Variants in CFAP99 observed in about 807,000 individuals in gnomAD.
CFAP99 encodes the protein cilia and flagella associated protein 99, also known as cilia- and flagella-associated protein 99.
CFAP99 carries 84 observed loss-of-function variants against 82.7 expected under a neutral mutation model. The observed-to-expected ratio is 1.02, with a 90% CI of 0.85 to 1.22. The LOEUF (loss-of-function observed/expected upper bound fraction) is 1.22, where lower values mean the gene tolerates loss of function less well. Ranked by LOEUF, CFAP99 falls within the 50% of genes most tolerant of loss-of-function variation. The pLI, the probability that CFAP99 is intolerant of heterozygous loss-of-function variation, is 0.00. For synonymous variants in CFAP99, 456 were observed against 429.5 expected (o/e 1.06, Z -0.76); for missense variants, 1,059 against 983.5 (o/e 1.08, Z -1.03).
At chr4:2,454,602 T>G (rs1461453752) in intron 11 of CFAP99, among the ~76,000 whole-genome samples, 2 of 150,408 alleles carry the variant, frequency 1.3e-5, no homozygotes, top group East Asian at 1.9e-4. Context: ...TTGTTTTTTT[T>G]TTTTTTTGGT....
At chr4:2,437,244 C>T (rs570876000) in intron 3 of CFAP99, among the ~76,000 whole-genome samples, 1 of 152,200 alleles carries the variant, frequency 6.6e-6, no homozygotes, top group African/African-American at 2.4e-5. Flanking sequence ...GGCTCTGCCA[C>T]CCCAGTTTAG....
intron 2 of CFAP99, among the ~76,000 whole-genome samples, chr4:2,429,995 G>A (rs147526169): frequency 2.3e-3 from 348 of 152,368 alleles, no homozygotes; most frequent in African/African-American, 8.0e-3. Context: ...TCAAGAAATT[G>A]TTGCAATTCA....
rs1734663382 is a variant in CFAP99, at chr4:2,462,853, G to A, written c.2072G>A (p.Arg691His). ...CACTGGCTGGAGCTGGAGCGGAGCC[G>A]CGAGCGCAGGCTGCAGGCGCTGCAG... Residue 691 changes from arginine (R) to histidine (H), a missense_variant, in exon 15 of 15, where the codon CGC becomes CAC. Coordinates refer to ENST00000635017, the Ensembl canonical transcript of CFAP99. This position sits in a 1 kb window ranked among gnomAD's most constrained non-coding sequence, Gnocchi z 4.1. 5 of 1,392,318 alleles carry A rather than the reference G, an allele frequency of 3.6e-6. No individual in the cohort carries two copies. Among genetic ancestry groups the A allele is most frequent in the African/African-American group, 1.5e-5 (1 of 66,452 alleles). The allele number at this position is 1,392,318 out of a possible 1,614,324, so 86.2% of individuals were successfully genotyped here. A position where few individuals can be genotyped will look rare whatever the true frequency, so the allele number is the denominator to read the frequency against.
chr4:2,451,162 C>T, intron 9 of CFAP99, 102 bp from the exon 10 acceptor site: 4 of 1,465,186 alleles, frequency 2.7e-6, no homozygotes, highest in South Asian at 1.2e-5. Flanking sequence ...AGGGAAGCAC[C>T]TGGGCAGGGG....
chr4:2,452,019 C>A, intron 10 of CFAP99, 123 bp from the exon 11 acceptor site: 1 of 953,250 alleles, frequency 1.0e-6, no homozygotes, highest in Non-Finnish European at 1.6e-6. Context: ...GGCCACGCAG[C>A]TGGGTGTCAG....
intron 1 of CFAP99, among the ~76,000 whole-genome samples, chr4:2,424,094 C>T (rs1486355633): frequency 1.3e-5 from 2 of 152,232 alleles, no homozygotes; most frequent in African/African-American, 4.8e-5. Flanking sequence ...CCTCTGTGTC[C>T]ATGCACAGCC....
In CFAP99 at chr4:2,459,126, G is replaced by A. The variant is rs573884631; in HGVS notation, c.1323G>A (p.Glu441=). The change falls in exon 13 of 15, where the codon GAG becomes GAA. Residue 441 remains glutamate (E), a synonymous_variant. Coordinates refer to ENST00000635017, the Ensembl canonical transcript of CFAP99. ...CCCAAGTTCAGGAGGCGATCGAGGA[G>A]AGCAGGGGGCTGCTGCAGCGCAGGG... The A allele has an allele frequency of 5.2e-5, 80 of 1,530,080 alleles. No individual in the cohort carries two copies. In the African/African-American group the frequency reaches 9.6e-4, roughly 18 times the overall value. 94.8% of individuals were successfully genotyped at this position (1,530,080 alleles called of 1,614,324 possible).
intron 8 of CFAP99, 71 bp downstream of exon 8, chr4:2,450,076 A>C: frequency 1.4e-6 from 2 of 1,432,522 alleles, no homozygotes; most frequent in Non-Finnish European, 1.9e-6. Context: ...GTTCCTCCCA[A>C]CGCCATCGCA....
intron 2 of CFAP99, among the ~76,000 whole-genome samples, chr4:2,429,532 C>A (rs916280942): frequency 1.3e-5 from 2 of 152,092 alleles, no homozygotes. Context: ...CAGATGCCCC[C>A]ATTGGTGGCA....
chr4:2,445,274 C>T (rs998079666), exon 6 of CFAP99: 5 of 1,388,138 alleles, frequency 3.6e-6, no homozygotes, highest in Non-Finnish European at 4.6e-6. Flanking sequence ...ATTCCAGCGC[C>T]CGAACCAGTC....
intron 11 of CFAP99, among the ~76,000 whole-genome samples, chr4:2,457,933 CGCTGCCAGGGA>C (rs1262655950): frequency 1.3e-5 from 2 of 152,344 alleles, no homozygotes; most frequent in African/African-American, 2.4e-5. Flanking sequence ...GAGACTTGTC[CGCTGCCAGGGA>C]GCTGCCAGGG....
chr4:2,441,600 C>G (rs1164617422), intron 4 of CFAP99, among the ~76,000 whole-genome samples: 1 of 152,200 alleles, frequency 6.6e-6, no homozygotes, highest in Admixed American at 6.5e-5. Context: ...TGCCTGCACA[C>G]TTACCAACTC....
chr4:2,425,801 TC>T (rs1430172407), intron 1 of CFAP99, among the ~76,000 whole-genome samples: 23 of 152,092 alleles, frequency 1.5e-4, no homozygotes, highest in South Asian at 4.2e-4. Context: ...TTCTCCAAGG[TC>T]CCCTGGGAGG....
Position 2,436,858 on chromosome 4 carries a change from GCTGT to G in CFAP99, c.112-13_112-10del, listed in dbSNP as rs1434855683. ...CCGGCCCAGCCAGGGCCCCCCACCG[GCTGT>G]CTCTCTTCCAGGCTCTGAGCCCCCA... is the stretch of plus-strand genomic sequence containing the variant. On this transcript the variant is annotated splice_polypyrimidine_tract_variant and intron_variant, in intron 2 of 14. Coordinates refer to ENST00000635017, the Ensembl canonical transcript of CFAP99. The G allele has an allele frequency of 1.1e-5, 17 of 1,535,328 alleles. No homozygotes were observed. The highest frequency in any genetic ancestry group is 1.5e-5 in the Non-Finnish European group (17 of 1,146,524).
exon 9 of CFAP99, chr4:2,451,012 C>T (rs1234924295): frequency 1.3e-6 from 2 of 1,535,868 alleles, no homozygotes; most frequent in African/African-American, 2.7e-5. Flanking sequence ...AGCTGACCTT[C>T]TATAGGGTGA....
At chr4:2,423,789 C>T (rs1456471150) in intron 1 of CFAP99, among the ~76,000 whole-genome samples, 1 of 152,138 alleles carries the variant, frequency 6.6e-6, no homozygotes, top group Non-Finnish European at 1.5e-5. Flanking sequence ...TTCTCCAAGC[C>T]AGCAGCATCA....
chr4:2,459,227 C>T lies in CFAP99; in HGVS notation c.1424C>T (p.Thr475Met), dbSNP rs143965267. The change falls in exon 13 of 15, where the codon ACG becomes ATG. Residue 475 changes from threonine to methionine, a missense_variant. Physicochemically the swap from Thr to Met is moderately conservative, Grantham distance 81. Transcript: ENST00000635017. ...CTGCGCGCACTCGAGACACAGCCCA[C>T]GCGCAAGGGCAAGCTCGTGGACCTG... 1.2e-3 allele frequency: 1,917 copies of T among 1,535,386 alleles called. 6 individuals are homozygous for T. The highest frequency in any genetic ancestry group is 1.5e-3 in the Non-Finnish European group (1,767 of 1,146,566).
chr4:2,459,074 C>T (rs781231321), intron 12 of CFAP99, 33 bp from the exon 13 acceptor site: 39 of 1,480,890 alleles, frequency 2.6e-5, no homozygotes, highest in African/African-American at 2.4e-4. Flanking sequence ...CTGCCACCCA[C>T]CAGCCACCTC....
chr4:2,462,694 C>A lies in CFAP99; in HGVS notation c.1913C>A (p.Pro638Gln). 8.0e-7 allele frequency: 1 copy of A among 1,254,724 alleles called. No homozygotes were observed. Among genetic ancestry groups the A allele is most frequent in the South Asian group, 2.8e-5 (1 of 35,832 alleles). The allele number at this position is 1,254,724 out of a possible 1,614,324, so 77.7% of individuals were successfully genotyped here. ...GCGCGGCGCGCAGGGACCGGCGTCCCGGGGCGGGGATGGCGGGGAGATCGG... is the reference window on the plus strand; with the variant it reads ...GCGCGGCGCGCAGGGACCGGCGTCCAGGGGCGGGGATGGCGGGGAGATCGG... The change falls in exon 15 of 15, where the codon CCG becomes CAG. Residue 638 changes from proline to glutamine, a missense_variant. Pro to Gln is a moderately conservative substitution (Grantham distance 76, BLOSUM62 -1). Coordinates refer to ENST00000635017, the Ensembl canonical transcript of CFAP99. This position sits in a 1 kb window ranked among gnomAD's most constrained non-coding sequence, Gnocchi z 4.1.
Sources: allele counts gnomAD v4.1 joint callset (sites outside exome capture counted in the v4.1 genomes callset), GRCh38; gene constraint gnomAD v4.1.1; non-coding constraint Gnocchi (gnomAD v3.1); transcripts MANE v1.5; gene names NCBI Gene and HGNC (gene_info 2026-07-23, HGNC 2026-07-21).